ZNF700: variants seen among roughly 807,000 people sequenced by gnomAD.
ZNF700 encodes zinc finger protein 700.
Under a neutral mutation model 65.3 loss-of-function variants are expected in ZNF700, and 38 were observed. The ratio of observed to expected loss-of-function variants is 0.58; its 90% CI spans 0.45 to 0.76. The LOEUF (loss-of-function observed/expected upper bound fraction) is 0.76. ZNF700 is among the 30% of genes least tolerant of loss of function. The pLI is 0.00. For synonymous variants in ZNF700, 285 were observed against 290.4 expected (o/e 0.98, Z 0.19); for missense variants, 857 against 888.4 (o/e 0.96, Z 0.45).
intron 1 of ZNF700, among the ~76,000 whole-genome samples, chr19:11,928,526 A>G (rs1260696199): frequency 6.6e-6 from 1 of 151,008 alleles, no homozygotes; most frequent in East Asian, 1.9e-4. Flanking sequence ...AGGTCAGGAG[A>G]TCGAGACCAT....
Position 11,949,758 on chromosome 19 carries a change from C to G in ZNF700, c.1734C>G (p.His578Gln), listed in dbSNP as rs761691554. 4 of 1,612,830 alleles carry G rather than the reference C, an allele frequency of 2.5e-6. No homozygotes were observed. Among genetic ancestry groups the G allele is most frequent in the Non-Finnish European group, 1.7e-6 (2 of 1,179,710 alleles). Residue 578 changes from histidine to glutamine, a missense_variant, in exon 4 of 4, where the codon CAC (histidine) becomes CAG (glutamine). Around this residue, in one of 3 missense-constraint regions of ZNF700, gnomAD observed 251 missense variants for 250.3 expected, o/e 1.00. Transcript: ENST00000254321. The stretch of plus-strand genomic sequence containing the variant: ...GGAAAGCCTTCAGATCTGCCTCACA[C>G]CTTCGAATGCATGAAAGGACTCACA... ...QCGKAFRSASHLRMHERTHTG... is the reference protein window; with the variant it reads ...QCGKAFRSASQLRMHERTHTG...
chr19:11,927,893 A>T (rs973663222), intron 1 of ZNF700, among the ~76,000 whole-genome samples: 1 of 151,946 alleles, frequency 6.6e-6, no homozygotes, highest in African/African-American at 2.4e-5. Context: ...AATTGGTGTT[A>T]CTCTGGCTCC....
At position 11,949,674 on chromosome 19, in the gene ZNF700, C is replaced by T. The variant is rs750105929; in HGVS notation, c.1650C>T (p.Ser550=). Reference sequence around the variant, plus strand: ...GTAAAGCCTTCAGATGTTGCAATTCCCTTCGATATCATGAAAGGACTCACA... The same window carrying T: ...GTAAAGCCTTCAGATGTTGCAATTCTCTTCGATATCATGAAAGGACTCACA... The part of the protein sequence containing the change: ...QCGKAFRCCN[S]LRYHERTHTG... Residue 550 remains serine (S), a synonymous_variant, in exon 4 of 4, where the codon TCC becomes TCT. Coordinates refer to ENST00000254321, the MANE Select transcript of ZNF700 (RefSeq NM_144566.3). 2 of 1,611,714 alleles carry T rather than the reference C, an allele frequency of 1.2e-6. No individual in the cohort carries two copies. The highest frequency in any genetic ancestry group is 4.5e-5 in the East Asian group (2 of 44,704).
chr19:11,941,007 C>T (rs1476994166), intron 1 of ZNF700, among the ~76,000 whole-genome samples: 2 of 150,918 alleles, frequency 1.3e-5, no homozygotes, highest in Non-Finnish European at 2.9e-5. Flanking sequence ...GGTGTATTTA[C>T]AATCCCTGAG....
At position 11,948,322 on chromosome 19, in the gene ZNF700, T is replaced by A; in HGVS notation, c.298T>A (p.Cys100Ser). ...CAATGAAATTAAAGAAGACAGTCAT[T>A]GTGGAGAAACTTTTACCCAGGTTCC... ...KVNEIKEDSH[C>S]GETFTQVPDD... The change falls in exon 4 of 4, where the codon TGT becomes AGT. Residue 100 changes from cysteine to serine, a missense_variant. Physicochemically the swap from Cys to Ser is moderately radical, Grantham distance 112 (BLOSUM62 -1). Transcript: ENST00000254321. 6.2e-7 allele frequency: 1 copy of A among 1,613,772 alleles called. No homozygotes were observed. Among genetic ancestry groups the A allele is most frequent in the Non-Finnish European group, 8.5e-7 (1 of 1,179,820 alleles).
rs757949106 is a variant in ZNF700 at position 11,949,765 on chromosome 19, A to C, written c.1741A>C (p.Met581Leu). The C allele has an allele frequency of 1.1e-5, 18 of 1,612,060 alleles. No individual in the cohort carries two copies. The highest frequency in any genetic ancestry group is 1.4e-5 in the Non-Finnish European group (17 of 1,179,382). The stretch of plus-strand genomic sequence containing the variant: ...CTTCAGATCTGCCTCACACCTTCGA[A>C]TGCATGAAAGGACTCACACTGGAGA... ...KAFRSASHLRMHERTHTGEKP... is the reference protein window; with the variant it reads ...KAFRSASHLRLHERTHTGEKP... Residue 581 changes from methionine (M) to leucine (L), a missense_variant, in exon 4 of 4, where the codon ATG becomes CTG. Coordinates refer to ENST00000254321, the MANE Select transcript of ZNF700 (RefSeq NM_144566.3).
chr19:11,941,981 C>CA, intron 1 of ZNF700, among the ~76,000 whole-genome samples: 2 of 280 alleles, frequency 7.1e-3, no homozygotes, highest in Non-Finnish European at 0.014. Flanking sequence ...GTGCTTATTA[C>CA]ACCTGGTATC....
At chr19:11,939,246 C>T (rs1395237164) in intron 1 of ZNF700, among the ~76,000 whole-genome samples, 1 of 152,144 alleles carries the variant, frequency 6.6e-6, no homozygotes, top group Non-Finnish European at 1.5e-5. Flanking sequence ...TCCCATTTGT[C>T]AATTTTGGCT....
Position 11,936,089 on chromosome 19 carries a change from T to C in ZNF700, c.63+10816T>C, listed in dbSNP as rs1157655743. Among the ~76,000 whole-genome samples the C allele has an allele frequency of 2.0e-5, 3 of 152,238 alleles. No individual in the cohort carries two copies. The East Asian group carries it at 5.8e-4, about 29-fold the overall frequency. ...TCCATGGTGTATATATGCCACATTT[T>C]CTTAATCCAGTCTATCATTGGTGGA... is the stretch of plus-strand genomic sequence containing the variant. On this transcript the variant is annotated intron_variant, in intron 1 of 3. Transcript: ENST00000254321.
chr19:11,948,176 C>G (rs1972991671), intron 3 of ZNF700, 100 bp from the exon 4 acceptor site: 1 of 1,374,790 alleles, frequency 7.3e-7, no homozygotes, highest in Admixed American at 2.3e-5. Flanking sequence ...AAAGCCTACA[C>G]TTTGATGGAC....
Position 11,948,710 on chromosome 19 carries a change from A to G in ZNF700, c.686A>G (p.Lys229Arg). 6.2e-7 allele frequency: 1 copy of G among 1,612,940 alleles called. No homozygotes were observed. Among genetic ancestry groups the G allele is most frequent in the South Asian group, 1.1e-5 (1 of 90,882 alleles). The change falls in exon 4 of 4, where the codon AAA becomes AGA. Residue 229 changes from lysine (K) to arginine (R), a missense_variant. Physicochemically the swap from Lys to Arg is conservative, Grantham distance 26 (BLOSUM62 2). This residue lies in a region of ZNF700 where 603 missense variants were observed against 619.9 expected (regional missense o/e 0.97). Transcript: ENST00000254321. Reference sequence around the variant, plus strand: ...ACTTATAAATGTAAATTTTGTGGGAAAGCCTTCCATTCTTTCAGTTTATAT... The same window carrying G: ...ACTTATAAATGTAAATTTTGTGGGAGAGCCTTCCATTCTTTCAGTTTATAT... The part of the protein sequence containing the change: ...DGTYKCKFCG[K>R]AFHSFSLYLI...
intron 1 of ZNF700, among the ~76,000 whole-genome samples, chr19:11,935,175 C>CAA (rs570889462): frequency 3.4e-4 from 15 of 44,350 alleles, no homozygotes; most frequent in African/African-American, 1.0e-3. Flanking sequence ...GACTCCGTCT[C>CAA]AAAAAAAAAA....
At chr19:11,947,451 A>C in intron 2 of ZNF700, 63 bp from the exon 3 acceptor site, 10 of 1,602,306 alleles carry the variant, frequency 6.2e-6, no homozygotes, top group Non-Finnish European at 6.8e-6. Flanking sequence ...TGGGCACAGA[A>C]TCTAATAATT....
intron 1 of ZNF700, among the ~76,000 whole-genome samples, chr19:11,943,291 G>T (rs1297220128): frequency 6.6e-6 from 1 of 152,044 alleles, no homozygotes; most frequent in Non-Finnish European, 1.5e-5. Context: ...ACAGCAATTG[G>T]TTAGGTTAAA....
Position 11,937,484 on chromosome 19 carries a change from T to C in ZNF700, c.64-9697T>C, listed in dbSNP as rs570838333. On this transcript the variant is annotated intron_variant, in intron 1 of 3. Coordinates refer to ENST00000254321, the MANE Select transcript of ZNF700 (RefSeq NM_144566.3). The stretch of plus-strand genomic sequence containing the variant: ...TCTTTATAGTAGATTTTTCTTTTTT[T>C]CTTTCCTTTTTTTTTTTTTTTTGAG... Among the ~76,000 whole-genome samples the C allele has an allele frequency of 8.2e-5, 12 of 146,584 alleles. No individual in the cohort carries two copies. In the East Asian group the frequency reaches 2.3e-3, roughly 28 times the overall value.
At position 11,949,883 on chromosome 19, in the gene ZNF700, A is replaced by G. The variant is rs200240678; in HGVS notation, c.1859A>G (p.Tyr620Cys). 174 of 1,614,176 alleles carry G rather than the reference A, an allele frequency of 1.1e-4. 1 individual carries two copies. In the Middle Eastern group the frequency reaches 1.5e-3, roughly 14 times the overall value. ...HGRTHTGEKPYECKQCGKAFR... is the reference protein window; with the variant it reads ...HGRTHTGEKPCECKQCGKAFR... Reference sequence around the variant, plus strand: ...AGGACTCACACTGGAGAGAAACCCTATGAGTGTAAGCAATGTGGGAAAGCC... The same window carrying G: ...AGGACTCACACTGGAGAGAAACCCTGTGAGTGTAAGCAATGTGGGAAAGCC... Residue 620 changes from tyrosine (Y) to cysteine (C), a missense_variant, in exon 4 of 4, where the codon TAT becomes TGT. Tyr to Cys is a radical substitution (Grantham distance 194, BLOSUM62 -2). This residue lies in a region of ZNF700 where 251 missense variants were observed against 250.3 expected (regional missense o/e 1.00). Coordinates refer to ENST00000254321, the MANE Select transcript of ZNF700 (RefSeq NM_144566.3).
At chr19:11,943,135 G>A (rs1385563414) in intron 1 of ZNF700, among the ~76,000 whole-genome samples, 1 of 152,186 alleles carries the variant, frequency 6.6e-6, no homozygotes, top group Non-Finnish European at 1.5e-5. Flanking sequence ...TATTATAAGT[G>A]TTTTAAATCC....
rs755356056 is a variant in ZNF700 at position 11,947,524 on chromosome 19, G to C, written c.201G>C (p.Trp67Cys). Reference sequence around the variant, plus strand: ...GTGTCTGTATTTTAGGAAAAAAATGGAGTGACCAGAACATTGAATATGAGT... The same window carrying C: ...GTGTCTGTATTTTAGGAAAAAAATGCAGTGACCAGAACATTGAATATGAGT... The part of the protein sequence containing the change: ...FRNLTSIGKK[W>C]SDQNIEYEYQ... Residue 67 changes from tryptophan (W) to cysteine (C), a missense_variant, in exon 3 of 4, where the codon TGG becomes TGC. Transcript: ENST00000254321. 1.2e-6 allele frequency: 2 copies of C among 1,612,436 alleles called. No homozygotes were observed. Among genetic ancestry groups the C allele is most frequent in the Non-Finnish European group, 8.5e-7 (1 of 1,179,710 alleles).
chr19:11,926,850 G>A (rs947138159), intron 1 of ZNF700, among the ~76,000 whole-genome samples: 3 of 152,162 alleles, frequency 2.0e-5, no homozygotes, highest in African/African-American at 7.2e-5. Flanking sequence ...TCAGTTGGAA[G>A]AGTTTATTCA....
Sources: allele counts gnomAD v4.1 joint callset (sites outside exome capture counted in the v4.1 genomes callset), GRCh38; gene constraint gnomAD v4.1.1; regional missense constraint gnomAD v4.1.1; transcripts MANE v1.5; gene names NCBI Gene and HGNC (gene_info 2026-07-23, HGNC 2026-07-21).